Variants in SLC37A1 observed in about 807,000 individuals in gnomAD.
SLC37A1 encodes the protein glucose-6-phosphate exchanger SLC37A1.
SLC37A1 carries 49 observed loss-of-function variants against 75.3 expected under a neutral mutation model. The ratio of observed to expected loss-of-function variants is 0.65; its 90% CI spans 0.52 to 0.83. The LOEUF is 0.83. SLC37A1 is among the 40% of genes least tolerant of loss of function. The probability of loss-of-function intolerance (pLI) is 0.00; values close to 1 mark genes in which losing one functional copy is unlikely to be tolerated. For synonymous variants in SLC37A1, 268 were observed against 292.1 expected (o/e 0.92, Z 0.84); for missense variants, 566 against 695.0 (o/e 0.81, Z 2.09).
At chr21:42,502,169 A>C (rs1255695505) in intron 1 of SLC37A1, 1 of 152,260 alleles carries the variant, frequency 6.6e-6, no homozygotes, top group Non-Finnish European at 1.5e-5. Context: ...ATGCCAGCAA[A>C]GTAATACAGT....
At chr21:42,518,187 T>C (rs1398898055) in intron 1 of SLC37A1, 90 bp from the exon 2 acceptor site, 1 of 484,222 alleles carries the variant, frequency 2.1e-6, no homozygotes. Flanking sequence ...TGGGTACTGC[T>C]ACTGTACGTG....
intron 3 of SLC37A1, among the ~76,000 whole-genome samples, chr21:42,530,654 A>C (rs375205491): frequency 0.092 from 3,280 of 35,476 alleles, 141 homozygotes; most frequent in Middle Eastern, 0.12. Context: ...ACACACACAC[A>C]CCCCCTCTGT....
intron 17 of SLC37A1, among the ~76,000 whole-genome samples, chr21:42,570,599 G>A (rs2056134147): frequency 6.6e-6 from 1 of 152,206 alleles, no homozygotes; most frequent in Admixed American, 6.5e-5. Flanking sequence ...ACTGCAGTCT[G>A]CAATTCGGTC....
chr21:42,518,563 T>C (rs4919990), intron 2 of SLC37A1, 53 bp downstream of exon 2: 613,228 of 1,589,846 alleles, frequency 0.39, 125,498 homozygotes, highest in Admixed American at 0.62. Flanking sequence ...AGGTGAGGGC[T>C]ACTGTGCAGG....
In SLC37A1 at chr21:42,564,622, G is replaced by A. The variant is rs78080575; in HGVS notation, c.1136-86G>A. The A allele has an allele frequency of 1.6e-4, 174 of 1,075,620 alleles. 1 individual carries two copies. The African/African-American group carries it at 1.7e-3, about 11-fold the overall frequency. 66.6% of individuals were successfully genotyped at this position (1,075,620 alleles called of 1,614,324 possible). A position where few individuals can be genotyped will look rare whatever the true frequency, so the allele number is the denominator to read the frequency against. On this transcript the variant is annotated intron_variant, in intron 13 of 19. Transcript: ENST00000352133. Reference sequence around the variant, plus strand: ...GAGGGGCTTGGGAAAGGAGGAGGCCGTTCTCCGAGCTCCTGCAGTTCTGCT... The same window carrying A: ...GAGGGGCTTGGGAAAGGAGGAGGCCATTCTCCGAGCTCCTGCAGTTCTGCT...
rs1019755614 is a variant in SLC37A1, at chr21:42,548,378, G to A, written c.768+1238G>A. Among the ~76,000 whole-genome samples, 2 of 151,936 alleles carry A rather than the reference G, an allele frequency of 1.3e-5. No individual in the cohort carries two copies. Among genetic ancestry groups the A allele is most frequent in the Non-Finnish European group, 2.9e-5 (2 of 67,986 alleles). The stretch of plus-strand genomic sequence containing the variant: ...TCTTGATTTTACCCCTGCACAAGCC[G>A]ATCCCCCAGCATCCCCCATCTCAGT... On this transcript the variant is annotated intron_variant, in intron 9 of 19. Transcript: ENST00000352133. The surrounding 1 kb of genome is among the most constrained non-coding windows in gnomAD (Gnocchi z 5.6).
At chr21:42,571,207 G>A (rs376447659) in intron 17 of SLC37A1, among the ~76,000 whole-genome samples, 29 of 152,286 alleles carry the variant, frequency 1.9e-4, no homozygotes, top group African/African-American at 6.0e-4. Context: ...GTCCCTTCCC[G>A]AAGGAGGTGC....
intron 2 of SLC37A1, among the ~76,000 whole-genome samples, chr21:42,519,956 CAGTGTGTTTGTGTGTG>C (rs1269255383): frequency 7.1e-6 from 1 of 141,110 alleles, no homozygotes; most frequent in Non-Finnish European, 1.5e-5. Flanking sequence ...TGCCCCTCCA[CAGTGTGTTTGTGTGTG>C]TGTGTGTGTG....
chr21:42,535,463 T>C lies in SLC37A1; in HGVS notation c.272-9T>C, dbSNP rs2055112998. 6.2e-7 allele frequency: 1 copy of C among 1,612,832 alleles called. No individual in the cohort carries two copies. The highest frequency in any genetic ancestry group is 1.3e-5 in the African/African-American group (1 of 74,910). On this transcript the variant is annotated splice_polypyrimidine_tract_variant and intron_variant, in intron 4 of 19. Coordinates refer to ENST00000352133, the MANE Select transcript of SLC37A1 (RefSeq NM_001320537.2). Reference sequence around the variant, plus strand: ...TGAGCTTGTCCTGCTGGTTTTCAAATTCATATAGATAAGAACAACTATCAG... The same window carrying C: ...TGAGCTTGTCCTGCTGGTTTTCAAACTCATATAGATAAGAACAACTATCAG...
rs780742052 is a variant in SLC37A1 at position 42,568,338 on chromosome 21, G to A, written c.1345-22G>A. ...TCTCATGCTGTGGCGATAACTGCAC[G>A]TCTGTTTTTCCTCTCTTCTAGGGGA... is the stretch of plus-strand genomic sequence containing the variant. On this transcript the variant is annotated intron_variant, in intron 16 of 19. Coordinates refer to ENST00000352133, the MANE Select transcript of SLC37A1 (RefSeq NM_001320537.2). 2.9e-5 allele frequency: 47 copies of A among 1,604,790 alleles called. No individual in the cohort carries two copies. In the Middle Eastern group the frequency reaches 6.6e-4, roughly 23 times the overall value.
At chr21:42,527,992 T>C (rs923612917) in intron 3 of SLC37A1, among the ~76,000 whole-genome samples, 1 of 152,110 alleles carries the variant, frequency 6.6e-6, no homozygotes, top group African/African-American at 2.4e-5. Flanking sequence ...CACAAAACAG[T>C]TGAGTGATTA....
At chr21:42,512,086 A>T (rs1332027775), upstream of SLC37A1, among the ~76,000 whole-genome samples, 1 of 151,432 alleles carries the variant, frequency 6.6e-6, no homozygotes, top group African/African-American at 2.4e-5. Context: ...CAAAAAAAAA[A>T]AAATAATGTG....
chr21:42,572,940 A>T (rs2056221429), intron 17 of SLC37A1, among the ~76,000 whole-genome samples: 1 of 152,154 alleles, frequency 6.6e-6, no homozygotes, highest in Non-Finnish European at 1.5e-5. Flanking sequence ...CTCTGTGGGG[A>T]CAGTGTGCTG....
intron 3 of SLC37A1, among the ~76,000 whole-genome samples, chr21:42,533,007 C>A (rs1351547191): frequency 6.6e-6 from 1 of 152,222 alleles, no homozygotes; most frequent in African/African-American, 2.4e-5. Context: ...GGCCCACGTG[C>A]TGCCAGCTGT....
At chr21:42,532,458 C>T (rs228050) in intron 3 of SLC37A1, among the ~76,000 whole-genome samples, 78,844 of 151,988 alleles carry the variant, frequency 0.52, 20,919 homozygotes, top group Admixed American at 0.64. Flanking sequence ...TGGCTTTCTT[C>T]AGTCAGAGGT....
chr21:42,522,515 T>A (rs1370394993), intron 2 of SLC37A1, among the ~76,000 whole-genome samples: 1 of 152,062 alleles, frequency 6.6e-6, no homozygotes. Flanking sequence ...GGAGCTGAAG[T>A]CAGACCTTTC....
chr21:42,533,450 A>G (rs1287597909), intron 3 of SLC37A1, among the ~76,000 whole-genome samples: 1 of 152,176 alleles, frequency 6.6e-6, no homozygotes, highest in Non-Finnish European at 1.5e-5. Context: ...GTCACAGAGC[A>G]CATTCTGTCT....
chr21:42,556,328 C>T (rs1016023499), intron 10 of SLC37A1, among the ~76,000 whole-genome samples: 3 of 152,202 alleles, frequency 2.0e-5, no homozygotes, highest in Non-Finnish European at 2.9e-5. Flanking sequence ...CCACCAAACG[C>T]GGCGTGAGCA....
intron 2 of SLC37A1, among the ~76,000 whole-genome samples, chr21:42,505,537 A>G (rs1174038218): frequency 5.3e-5 from 8 of 151,686 alleles, no homozygotes; most frequent in Non-Finnish European, 1.0e-4. Flanking sequence ...AACCCTCTAC[A>G]CTCCATCACT....
Sources: allele counts gnomAD v4.1 joint callset (sites outside exome capture counted in the v4.1 genomes callset), GRCh38; gene constraint gnomAD v4.1.1; non-coding constraint Gnocchi (gnomAD v3.1); transcripts MANE v1.5; gene names NCBI Gene and HGNC (gene_info 2026-07-23, HGNC 2026-07-21).